The following AGBL4 variants were observed in gnomAD, a reference collection of about 807,000 sequenced individuals.
AGBL4 encodes the protein AGBL carboxypeptidase 4.
Under a neutral mutation model 66.4 loss-of-function variants are expected in AGBL4, and 58 were observed. That is an observed-to-expected ratio of 0.87 (90% CI 0.71 to 1.09). The LOEUF is 1.09. Ranked by LOEUF, AGBL4 falls within the 50% of genes least tolerant of loss-of-function variation. The probability of loss-of-function intolerance (pLI) is 0.00; values close to 1 mark genes in which losing one functional copy is unlikely to be tolerated. For synonymous variants in AGBL4, 234 were observed against 222.9 expected, an observed-to-expected ratio of 1.05 and a Z score of -0.44; for missense variants, 579 against 631.0, an observed-to-expected ratio of 0.92 and a Z score of 0.88.
chr1:49,503,981 G>A (rs1488685757), intron 3 of AGBL4, among the ~76,000 whole-genome samples: 11 of 151,990 alleles, frequency 7.2e-5, no homozygotes, highest in Admixed American at 7.2e-4. Flanking sequence ...GGAAGGGCTG[G>A]GACAAAATGA....
intron 3 of AGBL4, among the ~76,000 whole-genome samples, chr1:49,523,393 TA>T (rs774760280): frequency 5.3e-5 from 8 of 152,076 alleles, no homozygotes; most frequent in Non-Finnish European, 1.2e-4. Flanking sequence ...ATTTCCCCAT[TA>T]CACAGCGCAG....
intron 3 of AGBL4, among the ~76,000 whole-genome samples, chr1:49,325,162 A>G (rs1645205108): frequency 6.6e-6 from 1 of 152,158 alleles, no homozygotes; most frequent in African/African-American, 2.4e-5. Context: ...AGCTGGGACT[A>G]CTGGTGCCTG....
At chr1:49,474,138 T>C (rs1259960640) in intron 3 of AGBL4, among the ~76,000 whole-genome samples, 1 of 152,144 alleles carries the variant, frequency 6.6e-6, no homozygotes. Context: ...ATGAACTTTA[T>C]GATCATTTTT....
At chr1:48,996,145 G>A (rs1660977356) in intron 5 of AGBL4, among the ~76,000 whole-genome samples, 1 of 152,178 alleles carries the variant, frequency 6.6e-6, no homozygotes, top group Non-Finnish European at 1.5e-5. Context: ...TTCATTTGCT[G>A]TGATGAAAAA....
chr1:48,855,470 C>G (rs1277849362), intron 6 of AGBL4, among the ~76,000 whole-genome samples: 1 of 152,198 alleles, frequency 6.6e-6, no homozygotes, highest in Non-Finnish European at 1.5e-5. Context: ...GTCCGAGTAA[C>G]ACCAATGTGA....
chr1:49,774,599 A>T (rs891376047), intron 2 of AGBL4, among the ~76,000 whole-genome samples: 1 of 152,242 alleles, frequency 6.6e-6, no homozygotes, highest in African/African-American at 2.4e-5. Context: ...ATCCAGTTTT[A>T]AAATTTGTGA....
chr1:49,052,155 T>C (rs977436210), intron 4 of AGBL4, among the ~76,000 whole-genome samples: 1 of 151,798 alleles, frequency 6.6e-6, no homozygotes, highest in African/African-American at 2.4e-5. Context: ...CTTCTATTAA[T>C]TCCAAGCCAT....
chr1:49,667,100 C>T (rs1212276930), intron 3 of AGBL4, among the ~76,000 whole-genome samples: 1 of 152,062 alleles, frequency 6.6e-6, no homozygotes, highest in Non-Finnish European at 1.5e-5. Flanking sequence ...TAATATAATA[C>T]ATGTTAAAGC....
intron 6 of AGBL4, among the ~76,000 whole-genome samples, chr1:48,729,226 T>G (rs1387604376): frequency 6.6e-6 from 1 of 152,218 alleles, no homozygotes; most frequent in African/African-American, 2.4e-5. Context: ...CAACTATTAA[T>G]TCCTAGGGCC....
At chr1:49,013,697 C>T (rs11205588) in intron 5 of AGBL4, among the ~76,000 whole-genome samples, 15,560 of 152,138 alleles carry the variant, frequency 0.1, 1,274 homozygotes, top group African/African-American at 0.22. Context: ...TCTAGCCACT[C>T]ATTCTTCCCC....
intron 3 of AGBL4, among the ~76,000 whole-genome samples, chr1:49,514,895 A>T (rs1188162431): frequency 6.6e-6 from 1 of 152,134 alleles, no homozygotes; most frequent in Non-Finnish European, 1.5e-5. Flanking sequence ...TTCAAGATGG[A>T]TTAAAGACTT....
chr1:49,440,111 C>T (rs1645993934), intron 3 of AGBL4, among the ~76,000 whole-genome samples: 1 of 150,064 alleles, frequency 6.7e-6, no homozygotes, highest in African/African-American at 2.5e-5. Flanking sequence ...GCTCTGTCAC[C>T]CAGGCTGGAG....
In AGBL4 at chr1:49,764,832, C is replaced by T. The variant is rs901922546; in HGVS notation, c.158-67395G>A. 5.9e-5 allele frequency among the ~76,000 whole-genome samples: 9 copies of T among 152,076 alleles called. No individual in the cohort carries two copies. The South Asian group carries it at 8.3e-4, about 14-fold the overall frequency. On this transcript the variant is annotated intron_variant, in intron 2 of 13. Transcript: ENST00000371839. ...CCCTTAAACCACTCCCATGGAGAGT[C>T]GCAAAAATAGGTGTTTCCTGTGGCT... is the stretch of plus-strand genomic sequence containing the variant.
chr1:50,016,185 C>T (rs1007783615), intron 1 of AGBL4, among the ~76,000 whole-genome samples: 3 of 152,196 alleles, frequency 2.0e-5, no homozygotes, highest in Non-Finnish European at 4.4e-5. Flanking sequence ...ACAGAGTAAT[C>T]AGACAACCTA....
rs116284723 is a variant in AGBL4 at position 49,986,445 on chromosome 1, C to T, written c.34+37318G>A. 8.7e-3 allele frequency among the ~76,000 whole-genome samples: 1,320 copies of T among 152,140 alleles called. 14 individuals are homozygous for T. Among genetic ancestry groups the T allele is most frequent in the Non-Finnish European group, 0.014 (975 of 67,926 alleles). On this transcript the variant is annotated intron_variant, in intron 1 of 13. Coordinates refer to ENST00000371839, the MANE Select transcript of AGBL4 (RefSeq NM_032785.4). ...GTTATGTGGGTTACTCCGACTTCCA[C>T]CTATTATTTAAAAAATACTGTTTCA...
Position 48,843,105 on chromosome 1 carries a change from G to C in AGBL4, c.634+24086C>G, listed in dbSNP as rs1646841104. ...AAAAATTCTGACGATCTGTTTAGTA[G>C]TGTTAAGTAATTTTACTTAACTCTA... is the stretch of plus-strand genomic sequence containing the variant. On this transcript the variant is annotated intron_variant, in intron 6 of 13. Transcript: ENST00000371839. Among the ~76,000 whole-genome samples the C allele has an allele frequency of 3.3e-5, 5 of 152,170 alleles. No individual in the cohort carries two copies. In the South Asian group the frequency reaches 1.0e-3, roughly 32 times the overall value.
chr1:49,122,339 T>G (rs1645674445), intron 4 of AGBL4, among the ~76,000 whole-genome samples: 1 of 152,218 alleles, frequency 6.6e-6, no homozygotes, highest in Non-Finnish European at 1.5e-5. Context: ...TTTGTCCATC[T>G]TGGAACAGAC....
rs971556828 is a variant in AGBL4, at chr1:49,697,307, C to T, written c.282+6G>A. The T allele has an allele frequency of 1.2e-5, 19 of 1,544,192 alleles. No homozygotes were observed. In the African/African-American group the frequency reaches 2.5e-4, roughly 20 times the overall value. On this transcript the variant is annotated splice_donor_region_variant and intron_variant, in intron 3 of 13. Coordinates refer to ENST00000371839, the MANE Select transcript of AGBL4 (RefSeq NM_032785.4). Reference sequence around the variant, plus strand: ...CCACTCTGAAGGTATCCACTATTTCCCTCACCTGTGATTCTTTCACATTTT... The same window carrying T: ...CCACTCTGAAGGTATCCACTATTTCTCTCACCTGTGATTCTTTCACATTTT...
chr1:49,189,371 T>C (rs1647073205), intron 4 of AGBL4, among the ~76,000 whole-genome samples: 1 of 152,154 alleles, frequency 6.6e-6, no homozygotes, highest in Non-Finnish European at 1.5e-5. Flanking sequence ...AGTGAATGAA[T>C]AAAAGAATGA....
Sources: gnomAD v4.1 joint callset for allele counts (sites outside exome capture counted in the v4.1 genomes callset) on GRCh38, gnomAD v4.1.1 for gene constraint, MANE v1.5 for transcripts, NCBI Gene and HGNC (gene_info 2026-07-23, HGNC 2026-07-21) for gene names.